GBP3: variants seen among roughly 807,000 people sequenced by gnomAD.
GBP3 encodes the protein guanylate-binding protein 3.
GBP3 carries 55 observed loss-of-function variants against 62.4 expected under a neutral mutation model. The observed-to-expected ratio is 0.88, with a 90% CI of 0.71 to 1.10. The LOEUF is 1.10. Ranked by LOEUF, GBP3 falls within the 50% of genes least tolerant of loss-of-function variation. The pLI is 0.00. For missense variants in GBP3, 605 were observed against 690.6 expected, an observed-to-expected ratio of 0.88 and a Z score of 1.39; for synonymous variants, 208 against 259.2, an observed-to-expected ratio of 0.80 and a Z score of 1.90.
chr1:89,015,406 G>C lies in GBP3; in HGVS notation c.199C>G (p.Leu67Val), dbSNP rs752566632. 1 of 1,613,018 alleles carries C rather than the reference G, an allele frequency of 6.2e-7. No individual in the cohort carries two copies. ...KLAGKNKGFS[L>V]GSTVKSHTKG... is the part of the protein sequence containing the mutation. ...GTGTGAGATTTCACTGTGGAGCCCA[G>C]AGAGAAGCCTGTAAAGGAGAGATGG... Residue 67 changes from leucine (L) to valine (V), a missense_variant, in exon 3 of 11, where the codon CTG becomes GTG. This residue lies in a region of GBP3 where 308 missense variants were observed against 318.0 expected (regional missense o/e 0.97). Coordinates refer to ENST00000370481, the MANE Select transcript of GBP3 (RefSeq NM_018284.3).
chr1:89,010,906 G>A lies in GBP3; in HGVS notation c.1360C>T (p.Gln454Ter), dbSNP rs12087251. 1,104 of 1,461,860 alleles carry A rather than the reference G, an allele frequency of 7.6e-4. 107 individuals carry two copies. In the African/African-American group the frequency reaches 0.013, roughly 17 times the overall value. 90.6% of individuals were successfully genotyped at this position (1,461,860 alleles called of 1,614,324 possible). ...ATCGACAGATGAATCTTGGTTACCT[G>A]TATCCCCTTCCTTGGTTCCTCATAG... Reference protein sequence around the residue: ...KYYEEPRKGIQAEEILQTYLK... With the variant: ...KYYEEPRKGI Residue 454 changes from glutamine to a stop codon, truncating the protein, a stop_gained and splice_region_variant, in exon 8 of 11, where the codon CAG becomes TAG. Transcript: ENST00000370481. LOFTEE classifies it high-confidence loss of function.
intron 5 of GBP3, chr1:89,013,748 C>G (rs991419213): frequency 1.3e-5 from 5 of 391,602 alleles, no homozygotes; most frequent in Non-Finnish European, 2.3e-5. Context: ...TCATATTTTA[C>G]AGGTAAATAC....
At chr1:89,018,372 G>A (rs1679000376) in intron 2 of GBP3, among the ~76,000 whole-genome samples, 1 of 152,140 alleles carries the variant, frequency 6.6e-6, no homozygotes, top group African/African-American at 2.4e-5. Flanking sequence ...GAGAGAGGGG[G>A]CACCTGTCCA....
intron 9 of GBP3, 51 bp downstream of exon 9, chr1:89,009,341 T>G: frequency 1.3e-6 from 2 of 1,568,908 alleles, no homozygotes; most frequent in Non-Finnish European, 1.7e-6. Context: ...GAAAAATTAT[T>G]TAAAATTTGA....
At chr1:89,015,555 A>G (rs1161178874) in intron 2 of GBP3, 141 bp from the exon 3 acceptor site, 6 of 608,928 alleles carry the variant, frequency 9.9e-6, no homozygotes, top group African/African-American at 9.6e-5. Context: ...TATAATCAGA[A>G]AAATAGAAAA....
intron 2 of GBP3, chr1:89,020,271 A>G (rs1679110009): frequency 1.9e-6 from 1 of 524,418 alleles, no homozygotes; most frequent in Non-Finnish European, 3.5e-6. Flanking sequence ...TGCAGTCAGT[A>G]GTGAGAAGGG....
chr1:89,009,820 A>C (rs1557723668), intron 8 of GBP3, among the ~76,000 whole-genome samples: 1 of 152,182 alleles, frequency 6.6e-6, no homozygotes, highest in Non-Finnish European at 1.5e-5. Flanking sequence ...TGAGAGAGCA[A>C]ATCAGAGTGA....
rs1256731256 is a variant in GBP3, at chr1:89,009,565, A to G, written c.1363-71T>C. ...AGCAGGTTTTCCTGTTCTTCTGCCC[A>G]CCATCTTTTCTTCTGAGAATTCTTC... On this transcript the variant is annotated intron_variant, in intron 8 of 10. Coordinates refer to ENST00000370481, the MANE Select transcript of GBP3 (RefSeq NM_018284.3). 7 of 1,591,578 alleles carry G rather than the reference A, an allele frequency of 4.4e-6. No individual in the cohort carries two copies. In the African/African-American group the frequency reaches 6.8e-5, roughly 15 times the overall value.
At chr1:89,021,901 G>A (rs1679257464) in intron 1 of GBP3, among the ~76,000 whole-genome samples, 1 of 151,476 alleles carries the variant, frequency 6.6e-6, no homozygotes, top group South Asian at 2.1e-4. Flanking sequence ...GAATTCAGGG[G>A]AGGAGTTTTC....
chr1:89,013,646 C>T (rs147235757), intron 5 of GBP3: 2 of 547,184 alleles, frequency 3.7e-6, no homozygotes, highest in Non-Finnish European at 6.4e-6. Flanking sequence ...CAGAATTGGC[C>T]ATCATTTGTC....
At chr1:89,014,812 G>T (rs1438414919) in intron 3 of GBP3, among the ~76,000 whole-genome samples, 156 bp from the exon 4 acceptor site, 1 of 152,226 alleles carries the variant, frequency 6.6e-6, no homozygotes, top group Non-Finnish European at 1.5e-5. Flanking sequence ...TTGTTACTCA[G>T]CTGTGGAATG....
At chr1:89,011,576 G>A (rs1236827481) in intron 7 of GBP3, among the ~76,000 whole-genome samples, 171 bp downstream of exon 7, 1 of 139,530 alleles carries the variant, frequency 7.2e-6, no homozygotes, top group Non-Finnish European at 1.7e-5. Context: ...TAAACTTTGA[G>A]TCTGAAGTAA....
intron 1 of GBP3, 46 bp downstream of exon 1, chr1:89,022,638 A>T (rs1353276916): frequency 6.6e-6 from 1 of 152,186 alleles, no homozygotes; most frequent in African/African-American, 2.4e-5. Flanking sequence ...CACGTCCCTG[A>T]GCTGAGGTAC....
intron 1 of GBP3, among the ~76,000 whole-genome samples, chr1:89,021,508 GCGCACACA>G (rs199555748): frequency 0.013 from 713 of 53,492 alleles, 10 homozygotes; most frequent in African/African-American, 0.05. Flanking sequence ...ATGCGCGCGC[GCGCACACA>G]CACACACACA....
At chr1:89,021,170 C>A (rs146996907) in intron 1 of GBP3, among the ~76,000 whole-genome samples, 2 of 152,084 alleles carry the variant, frequency 1.3e-5, no homozygotes, top group South Asian at 4.1e-4. Context: ...TTGACATATG[C>A]CCTTAGGACA....
intron 1 of GBP3, among the ~76,000 whole-genome samples, chr1:89,021,819 G>A (rs1349902663): frequency 5.4e-4 from 79 of 145,134 alleles, no homozygotes; most frequent in South Asian, 8.5e-4. Context: ...GAGAGAGAGA[G>A]AGAGAGAGAG....
chr1:89,013,350 C>G lies in GBP3; in HGVS notation c.703G>C (p.Val235Leu), dbSNP rs762082394. The G allele has an allele frequency of 1.2e-6, 2 of 1,614,130 alleles. No individual in the cohort carries two copies. Among genetic ancestry groups the G allele is most frequent in the Non-Finnish European group, 1.7e-6 (2 of 1,180,014 alleles). ...RKFFPKKKCF[V>L]FDLPIHRRKL... ...CTGCGGTGAATGGGCAGATCGAAGACAAAACATTTTTTCTTTGGGAAGAAC... is the reference window on the plus strand; with the variant it reads ...CTGCGGTGAATGGGCAGATCGAAGAGAAAACATTTTTTCTTTGGGAAGAAC... The change falls in exon 6 of 11, where the codon GTC becomes CTC. Residue 235 changes from valine to leucine, a missense_variant. By Grantham distance (32) the Val-to-Leu change is conservative. This residue lies in a region of GBP3 where 308 missense variants were observed against 318.0 expected (regional missense o/e 0.97). Coordinates refer to ENST00000370481, the MANE Select transcript of GBP3 (RefSeq NM_018284.3).
intron 2 of GBP3, among the ~76,000 whole-genome samples, chr1:89,018,020 A>C (rs1053275318): frequency 3.9e-5 from 6 of 151,978 alleles, no homozygotes; most frequent in Non-Finnish European, 8.8e-5. Context: ...TGGAGGTTGC[A>C]GTGAGCTGGG....
rs1489574780 is a variant in GBP3 at position 89,014,208 on chromosome 1, G to T, written c.500C>A (p.Ala167Asp). 1.9e-6 allele frequency: 3 copies of T among 1,614,220 alleles called. No individual in the cohort carries two copies. The highest frequency in any genetic ancestry group is 1.7e-5 in the Admixed American group (1 of 60,026). Residue 167 changes from alanine (A) to aspartate (D), a missense_variant, in exon 5 of 11, where the codon GCT becomes GAT. Ala to Asp is a moderately radical substitution (Grantham distance 126, BLOSUM62 -2). Coordinates refer to ENST00000370481, the MANE Select transcript of GBP3 (RefSeq NM_018284.3). ...SPDENENEDS[A>D]DFVSFFPDFV... ...ATCTGGGAAGAAGCTCACAAAGTCAGCTGAATCCTCATTCTCATTCTCATC... is the reference window on the plus strand; with the variant it reads ...ATCTGGGAAGAAGCTCACAAAGTCATCTGAATCCTCATTCTCATTCTCATC...
Sources: allele counts gnomAD v4.1 joint callset (sites outside exome capture counted in the v4.1 genomes callset), GRCh38; gene constraint gnomAD v4.1.1; regional missense constraint gnomAD v4.1.1; transcripts MANE v1.5; gene names NCBI Gene and HGNC (gene_info 2026-07-23, HGNC 2026-07-21).